Variants in TICRR observed in about 807,000 individuals in gnomAD.
TICRR encodes the protein treslin.
Under a neutral mutation model 178.1 loss-of-function variants are expected in TICRR, and 132 were observed. The ratio of observed to expected loss-of-function variants is 0.74; its 90% confidence interval spans 0.64 to 0.86. The LOEUF is 0.86. Among genes scored for constraint, TICRR ranks in the 40% least tolerant of loss-of-function variants. The probability of loss-of-function intolerance (pLI) is 0.00; values close to 1 mark genes in which losing one functional copy is unlikely to be tolerated. For synonymous variants in TICRR, 991 were observed against 900.7 expected, an observed-to-expected ratio of 1.10 and a Z score of -1.79; for missense variants, 2,587 against 2,334.3, an observed-to-expected ratio of 1.11 and a Z score of -2.23.
intron 13 of TICRR, among the ~76,000 whole-genome samples, chr15:89,603,410 C>G (rs1963127199): frequency 6.6e-6 from 1 of 152,118 alleles, no homozygotes; most frequent in African/African-American, 2.4e-5. Context: ...GACCCTGTCT[C>G]TACAAAAAAT....
rs149692970 is a variant in TICRR at position 89,582,956 on chromosome 15, C to A, written c.925C>A (p.Pro309Thr). 3 of 1,611,270 alleles carry A rather than the reference C, an allele frequency of 1.9e-6. No individual in the cohort carries two copies. The highest frequency in any genetic ancestry group is 2.5e-6 in the Non-Finnish European group (3 of 1,178,052). Residue 309 changes from proline to threonine, a missense_variant, in exon 2 of 22, where the codon CCT becomes ACT. Physicochemically the swap from Pro to Thr is conservative, Grantham distance 38. Coordinates refer to ENST00000268138, the MANE Select transcript of TICRR (RefSeq NM_152259.4). Reference protein sequence around the residue: ...FPRMEGMLFLPVEAGKEIQET... With the variant: ...FPRMEGMLFLTVEAGKEIQET... ...ACGAATGGAAGGAATGTTATTTCTCCCTGTTGAAGGTAAGCAAATAATATT... is the reference window on the plus strand; with the variant it reads ...ACGAATGGAAGGAATGTTATTTCTCACTGTTGAAGGTAAGCAAATAATATT...
chr15:89,584,530 A>T lies in TICRR; in HGVS notation c.1176+3A>T, dbSNP rs779192387. On this transcript the variant is annotated splice_donor_region_variant and intron_variant, in intron 3 of 21. Coordinates refer to ENST00000268138, the MANE Select transcript of TICRR (RefSeq NM_152259.4). Reference sequence around the variant, plus strand: ...TGACTGCTGAAGAGTTACACCTGGTAGGTATCCTCCACACGGGAAGTTATT... The same window carrying T: ...TGACTGCTGAAGAGTTACACCTGGTTGGTATCCTCCACACGGGAAGTTATT... 2.8e-5 allele frequency: 43 copies of T among 1,551,910 alleles called. No homozygotes were observed. In the East Asian group the frequency reaches 9.8e-4, roughly 35 times the overall value.
At chr15:89,603,101 G>A (rs1282478101) in intron 13 of TICRR, among the ~76,000 whole-genome samples, 1 of 152,086 alleles carries the variant, frequency 6.6e-6, no homozygotes, top group African/African-American at 2.4e-5. Context: ...TAGAGGTAAT[G>A]TGAAGAAAAA....
chr15:89,606,681 G>C lies in TICRR; in HGVS notation c.2665-87G>C, dbSNP rs189527665. 2.9e-4 allele frequency: 301 copies of C among 1,031,938 alleles called. 2 individuals are homozygous for C. In the African/African-American group the frequency reaches 3.9e-3, roughly 13 times the overall value. The allele number at this position is 1,031,938 out of a possible 1,614,324, so 63.9% of individuals were successfully genotyped here. On this transcript the variant is annotated intron_variant, in intron 13 of 21. Transcript: ENST00000268138. ...ATGGATCCCTATAAATGAATTACAA[G>C]AGTCAAAGAGTTCATGTGAAATCTT...
At chr15:89,590,494 C>T (rs1199760213) in intron 4 of TICRR, among the ~76,000 whole-genome samples, 1 of 152,194 alleles carries the variant, frequency 6.6e-6, no homozygotes, top group East Asian at 1.9e-4. Context: ...AAAGGAAGAA[C>T]TGCAGTATTT....
In TICRR at chr15:89,594,429, C is replaced by T. The variant is rs376280870; in HGVS notation, c.1556C>T (p.Ala519Val). ...TGACTTCACAGGTTACTACAGGCTG[C>T]CTCAGCTAATAAGGAAGAGTCTTCC... ...LMESFGLLQAASANKEESSKT... is the reference protein window; with the variant it reads ...LMESFGLLQAVSANKEESSKT... The change falls in exon 6 of 22, where the codon GCC (alanine) becomes GTC (valine). Residue 519 changes from alanine to valine, a missense_variant. By Grantham distance (64) the Ala-to-Val change is moderately conservative (BLOSUM62 0). Coordinates refer to ENST00000268138, the MANE Select transcript of TICRR (RefSeq NM_152259.4). The T allele has an allele frequency of 1.9e-6, 3 of 1,611,260 alleles. No homozygotes were observed. The African/African-American group carries it at 4.0e-5, about 22-fold the overall frequency.
intron 12 of TICRR, among the ~76,000 whole-genome samples, chr15:89,602,593 A>T (rs1274995271): frequency 6.6e-6 from 1 of 152,030 alleles, no homozygotes; most frequent in African/African-American, 2.4e-5. Context: ...ATTTCCCTTG[A>T]TGCTTTTCGT....
intron 16 of TICRR, among the ~76,000 whole-genome samples, chr15:89,617,359 T>C (rs1003427831): frequency 1.3e-5 from 2 of 152,218 alleles, no homozygotes; most frequent in African/African-American, 2.4e-5. Flanking sequence ...CCTTGACACA[T>C]TGGCAGAAAT....
At chr15:89,622,256 G>A (rs1032257892) in intron 19 of TICRR, among the ~76,000 whole-genome samples, 4 of 152,040 alleles carry the variant, frequency 2.6e-5, no homozygotes, top group African/African-American at 9.7e-5. Flanking sequence ...AAAGTGCTGG[G>A]ATTACAGGCA....
In TICRR at chr15:89,616,423, C is replaced by A. The variant is rs1181844168; in HGVS notation, c.2888C>A (p.Thr963Asn). The change falls in exon 16 of 22, where the codon ACT becomes AAT. Residue 963 changes from threonine to asparagine, a missense_variant. Physicochemically the swap from Thr to Asn is moderately conservative, Grantham distance 65. Coordinates refer to ENST00000268138, the MANE Select transcript of TICRR (RefSeq NM_152259.4). The part of the protein sequence containing the change: ...KKNKGYHKLL[T>N]KSVAETPVHK... ...ATTTTAGGTTATCACAAACTGCTGA[C>A]TAAGAGTGTGGCCGAGACTCCAGTG... The A allele has an allele frequency of 6.2e-7, 1 of 1,613,992 alleles. No homozygotes were observed. Among genetic ancestry groups the A allele is most frequent in the South Asian group, 1.1e-5 (1 of 91,084 alleles).
intron 13 of TICRR, among the ~76,000 whole-genome samples, chr15:89,603,535 T>C (rs1027887205): frequency 3.3e-5 from 5 of 152,216 alleles, no homozygotes; most frequent in Non-Finnish European, 7.3e-5. Context: ...CAATGAGCTA[T>C]GGTCGTGCCA....
At position 89,575,622 on chromosome 15, in the gene TICRR, C is replaced by T. The variant is rs965649067; in HGVS notation, c.36C>T (p.Asp12=). 2.0e-6 allele frequency: 3 copies of T among 1,537,654 alleles called. No individual in the cohort carries two copies. Among genetic ancestry groups the T allele is most frequent in the Non-Finnish European group, 2.6e-6 (3 of 1,146,668 alleles). Residue 12 remains aspartate (D), a synonymous_variant, in exon 1 of 22, where the codon GAC becomes GAT. Coordinates refer to ENST00000268138, the MANE Select transcript of TICRR (RefSeq NM_152259.4). The part of the protein sequence containing the change: ...ACCHKVMLLL[D]TAGGAARHSR... ...GTCACAAAGTAATGCTGCTGCTGGA[C>T]ACCGCGGGCGGCGCCGCCCGCCACA... is the stretch of plus-strand genomic sequence containing the variant.
At chr15:89,582,577 T>C (rs1370601133) in intron 1 of TICRR, 109 bp from the exon 2 acceptor site, 6 of 1,009,590 alleles carry the variant, frequency 5.9e-6, no homozygotes, top group Non-Finnish European at 8.8e-6. Flanking sequence ...GGTTGTGTAA[T>C]TCGATCCTTT....
chr15:89,585,562 C>T (rs1962806132), intron 3 of TICRR, 146 bp from the exon 4 acceptor site: 2 of 644,006 alleles, frequency 3.1e-6, no homozygotes, highest in Non-Finnish European at 2.7e-6. Context: ...TTCCCTTCTA[C>T]CTCTATTAAT....
intron 15 of TICRR, among the ~76,000 whole-genome samples, chr15:89,612,696 G>T (rs1273491147): frequency 2.0e-5 from 3 of 152,146 alleles, no homozygotes; most frequent in Admixed American, 1.3e-4. Flanking sequence ...CTAGTTATTT[G>T]GGTTGAGGGA....
rs776628138 is a variant in TICRR at position 89,576,193 on chromosome 15, G to T, written c.607G>T (p.Ala203Ser). The T allele has an allele frequency of 1.3e-6, 2 of 1,597,098 alleles. No homozygotes were observed. Among genetic ancestry groups the T allele is most frequent in the Non-Finnish European group, 1.7e-6 (2 of 1,178,078 alleles). ...LPKRVREVMV[A>S]RKITFYWVDT... The stretch of plus-strand genomic sequence containing the variant: ...CAAGAGAGTCCGGGAAGTCATGGTC[G>T]CCCGAAAAATCACCTTCTACTGGGT... Residue 203 changes from alanine to serine, a missense_variant, in exon 1 of 22, where the codon GCC (alanine) becomes TCC (serine). Ala to Ser is a moderately conservative substitution (Grantham distance 99). Transcript: ENST00000268138.
chr15:89,580,924 TACTC>T (rs759408863), intron 1 of TICRR, among the ~76,000 whole-genome samples: 4 of 152,146 alleles, frequency 2.6e-5, no homozygotes, highest in Non-Finnish European at 4.4e-5. Context: ...CCCAGCTACT[TACTC>T]AGGAGGCTGG....
intron 4 of TICRR, among the ~76,000 whole-genome samples, chr15:89,588,742 T>C (rs1962862443): frequency 6.6e-6 from 1 of 152,120 alleles, no homozygotes; most frequent in Admixed American, 6.5e-5. Context: ...AATGTGTGTA[T>C]GGAAGTTATC....
intron 1 of TICRR, among the ~76,000 whole-genome samples, chr15:89,581,822 T>C (rs1377193537): frequency 3.9e-5 from 6 of 152,084 alleles, no homozygotes; most frequent in Non-Finnish European, 1.5e-5. Flanking sequence ...TAGAGCACCA[T>C]GGAGGAACGA....
Sources: gnomAD v4.1 joint callset for allele counts (sites outside exome capture counted in the v4.1 genomes callset) on GRCh38, gnomAD v4.1.1 for gene constraint, MANE v1.5 for transcripts, NCBI Gene and HGNC (gene_info 2026-07-23, HGNC 2026-07-21) for gene names.